TSPAN9: variants seen among roughly 807,000 people sequenced by gnomAD.
TSPAN9 encodes tetraspanin-9.
TSPAN9 carries 16 observed loss-of-function variants against 31.0 expected under a neutral mutation model. That is an observed-to-expected ratio of 0.52 (90% CI 0.35 to 0.78). The LOEUF (loss-of-function observed/expected upper bound fraction) is 0.78. Among genes scored for constraint, TSPAN9 ranks in the 30% least tolerant of loss-of-function variants. The pLI, the probability that TSPAN9 is intolerant of heterozygous loss-of-function variation, is 0.01. For missense variants in TSPAN9, 272 were observed against 312.5 expected (o/e 0.87, Z 0.98); for synonymous variants, 145 against 121.6 (o/e 1.19, Z -1.27).
intron 3 of TSPAN9, among the ~76,000 whole-genome samples, chr12:3,230,757 C>A (rs1217598816): frequency 6.6e-6 from 1 of 152,110 alleles, no homozygotes; most frequent in East Asian, 1.9e-4. Flanking sequence ...CGGCAGCACA[C>A]CCCCGTTCTC....
chr12:3,244,531 C>T (rs955157631), intron 3 of TSPAN9, among the ~76,000 whole-genome samples: 2 of 152,218 alleles, frequency 1.3e-5, no homozygotes, highest in African/African-American at 4.8e-5. Flanking sequence ...GGGCTGGGGC[C>T]TCTGAAGAAT....
At chr12:3,183,256 G>T (rs1435049094) in intron 2 of TSPAN9, among the ~76,000 whole-genome samples, 2 of 152,182 alleles carry the variant, frequency 1.3e-5, no homozygotes, top group Non-Finnish European at 2.9e-5. Flanking sequence ...CTGGAATATG[G>T]GCTTGGGCTG....
In TSPAN9 at chr12:3,201,198, C is replaced by T. The variant is rs1424595229; in HGVS notation, c.5C>T (p.Ala2Val). 6.2e-7 allele frequency: 1 copy of T among 1,614,120 alleles called. No individual in the cohort carries two copies. The highest frequency in any genetic ancestry group is 2.2e-5 in the East Asian group (1 of 44,874). Residue 2 changes from alanine (A) to valine (V), a missense_variant, in exon 3 of 9, where the codon GCC becomes GTC. Transcript: ENST00000011898. ...CTAGAATTTAAGAAGTGCAACATGG[C>T]CAGGGGCTGCCTCTGCTGCTTGAAG... MARGCLCCLKYM... is the reference protein window; with the variant it reads MVRGCLCCLKYM...
intron 2 of TSPAN9, among the ~76,000 whole-genome samples, chr12:3,132,058 G>A (rs756041880): frequency 2.6e-5 from 4 of 152,174 alleles, no homozygotes; most frequent in Admixed American, 6.5e-5. Context: ...TGCACTTAGC[G>A]TATTTTCAAG....
At chr12:3,241,812 A>C (rs568129921) in intron 3 of TSPAN9, among the ~76,000 whole-genome samples, 6 of 152,324 alleles carry the variant, frequency 3.9e-5, no homozygotes, top group African/African-American at 1.2e-4. Flanking sequence ...CACTGGGCTC[A>C]GTATAGAATG....
intron 2 of TSPAN9, among the ~76,000 whole-genome samples, chr12:3,095,741 G>A (rs1392164714): frequency 2.5e-4 from 37 of 149,892 alleles, no homozygotes; most frequent in Non-Finnish European, 4.6e-4. Flanking sequence ...GACGATGGGC[G>A]GCCGGGCAGA....
In TSPAN9 at chr12:3,257,925, TC is replaced by T. The variant is rs1862380003; in HGVS notation, c.64-20490del. The stretch of plus-strand genomic sequence containing the variant: ...TGGTTCTGCAGGACAAGCAGGCCCT[TC>T]CCCCCAGGCAGAGGTGTGGCCTGAG... On this transcript the variant is annotated intron_variant, in intron 3 of 8. Coordinates refer to ENST00000011898, the MANE Select transcript of TSPAN9 (RefSeq NM_006675.5). Among the ~76,000 whole-genome samples the T allele has an allele frequency of 3.9e-5, 6 of 152,150 alleles. No individual in the cohort carries two copies. In the South Asian group the frequency reaches 8.3e-4, roughly 21 times the overall value.
chr12:3,101,762 T>A (rs1381960258), intron 2 of TSPAN9, among the ~76,000 whole-genome samples: 1 of 152,166 alleles, frequency 6.6e-6, no homozygotes, highest in Non-Finnish European at 1.5e-5. Context: ...GTCTCCTGTG[T>A]CTGGAGACAC....
chr12:3,251,110 G>T (rs969918237), intron 3 of TSPAN9, among the ~76,000 whole-genome samples: 2 of 151,546 alleles, frequency 1.3e-5, no homozygotes, highest in African/African-American at 4.9e-5. Context: ...AAGGATTTCA[G>T]TTGGTGACTT....
At position 3,197,307 on chromosome 12, in the gene TSPAN9, G is replaced by A. The variant is rs571173150; in HGVS notation, c.-17-3870G>A. Among the ~76,000 whole-genome samples, 56 of 152,330 alleles carry A rather than the reference G, an allele frequency of 3.7e-4. 1 individual carries two copies. The South Asian group carries it at 0.01, about 28-fold the overall frequency. ...CGGCAGCCGTGGGCCCCTCAGGAGC[G>A]GCCAGGTGAGGCTGCAGAGGACAAA... On this transcript the variant is annotated intron_variant, in intron 2 of 8. Transcript: ENST00000011898.
intron 2 of TSPAN9, among the ~76,000 whole-genome samples, chr12:3,124,535 G>A (rs2098326483): frequency 6.6e-6 from 1 of 151,718 alleles, no homozygotes; most frequent in African/African-American, 2.4e-5. Context: ...AGCCTCCTGA[G>A]TAGCTGGGAT....
Position 3,172,313 on chromosome 12 carries a change from C to T in TSPAN9, c.-17-28864C>T, listed in dbSNP as rs1170061728. ...AGGCGGCCCTCTCTGTCTTGCGGCC[C>T]TCTGCCTCCCCGCCCAGCTCTGGAG... is the stretch of plus-strand genomic sequence containing the variant. On this transcript the variant is annotated intron_variant, in intron 2 of 8. Coordinates refer to ENST00000011898, the MANE Select transcript of TSPAN9 (RefSeq NM_006675.5). This position sits in a 1 kb window ranked among gnomAD's most constrained non-coding sequence, Gnocchi z 4.8. 6.6e-6 allele frequency: 1 copy of T among 152,380 alleles called. No individual in the cohort carries two copies. Among genetic ancestry groups the T allele is most frequent in the African/African-American group, 2.4e-5 (1 of 41,456 alleles). The allele number at this position is 152,380 out of a possible 1,614,324, so 9.4% of individuals were successfully genotyped here. A position where few individuals can be genotyped will look rare whatever the true frequency, so the allele number is the denominator to read the frequency against.
In TSPAN9 at chr12:3,279,071, G is replaced by A; in HGVS notation, c.330+5G>A. On this transcript the variant is annotated splice_donor_5th_base_variant and intron_variant, in intron 5 of 8. Coordinates refer to ENST00000011898, the MANE Select transcript of TSPAN9 (RefSeq NM_006675.5). ...TTCTTTGTCTACATGGACAAGGTAA[G>A]CCTTACCAGATGGGAGGGGGCATAT... The A allele has an allele frequency of 1.2e-6, 2 of 1,613,598 alleles. No homozygotes were observed. Among genetic ancestry groups the A allele is most frequent in the East Asian group, 2.2e-5 (1 of 44,874 alleles).
intron 2 of TSPAN9, among the ~76,000 whole-genome samples, chr12:3,198,489 TCACCAGCACAGGC>T: frequency 1.4e-5 from 1 of 69,752 alleles, no homozygotes; most frequent in Admixed American, 1.8e-4. Context: ...CCAGCACAGG[TCACCAGCACAGGC>T]CACCACCAGC....
intron 2 of TSPAN9, among the ~76,000 whole-genome samples, chr12:3,135,493 T>A (rs976349370): frequency 3.9e-5 from 6 of 152,296 alleles, no homozygotes; most frequent in African/African-American, 1.4e-4. Context: ...ACACGTTTTC[T>A]CCTTCTTACA....
At chr12:3,204,084 G>C (rs936169028) in intron 3 of TSPAN9, among the ~76,000 whole-genome samples, 2 of 152,154 alleles carry the variant, frequency 1.3e-5, no homozygotes, top group Admixed American at 1.3e-4. Context: ...TCTGGGACCG[G>C]GTGCAATTGT....
intron 2 of TSPAN9, among the ~76,000 whole-genome samples, chr12:3,116,877 GGCCGCCCTT>G (rs992683628): frequency 6.6e-6 from 1 of 152,060 alleles, no homozygotes; most frequent in African/African-American, 2.4e-5. Flanking sequence ...CTACCTCTGT[GGCCGCCCTT>G]GGACGCATTC....
intron 3 of TSPAN9, among the ~76,000 whole-genome samples, chr12:3,209,920 C>T (rs7297218): frequency 0.084 from 11,245 of 133,236 alleles, 767 homozygotes; most frequent in African/African-American, 0.22. Context: ...GATTGTGCCA[C>T]TGCACTCCAG....
intron 2 of TSPAN9, among the ~76,000 whole-genome samples, chr12:3,196,077 G>A (rs1051647599): frequency 5.9e-5 from 9 of 152,180 alleles, no homozygotes; most frequent in East Asian, 3.9e-4. Context: ...TGTGTCTTCC[G>A]TGGGTCCTTG....
Sources: gnomAD v4.1 joint callset for allele counts (sites outside exome capture counted in the v4.1 genomes callset) on GRCh38, gnomAD v4.1.1 for gene constraint, Gnocchi (gnomAD v3.1) non-coding constraint, MANE v1.5 for transcripts, NCBI Gene and HGNC (gene_info 2026-07-23, HGNC 2026-07-21) for gene names.